Variants in SIPA1L3 observed in about 807,000 individuals in gnomAD.
SIPA1L3 encodes signal induced proliferation associated 1 like 3, also known as signal-induced proliferation-associated 1-like protein 3.
Under a neutral mutation model 150.1 loss-of-function variants are expected in SIPA1L3, and 59 were observed. That is an observed-to-expected ratio of 0.39 (90% CI 0.32 to 0.49). The LOEUF (loss-of-function observed/expected upper bound fraction) is 0.49. Ranked by LOEUF, SIPA1L3 falls within the 20% of genes least tolerant of loss-of-function variation. The probability of loss-of-function intolerance (pLI) is 0.86; values close to 1 mark genes in which losing one functional copy is unlikely to be tolerated. For missense variants in SIPA1L3, 2,211 were observed against 2,489.5 expected, an observed-to-expected ratio of 0.89 and a Z score of 2.38; for synonymous variants, 1,070 against 1,077.6, an observed-to-expected ratio of 0.99 and a Z score of 0.14.
chr19:38,009,192 G>C (rs1968041285), intron 1 of SIPA1L3, among the ~76,000 whole-genome samples: 1 of 151,980 alleles, frequency 6.6e-6, no homozygotes, highest in East Asian at 1.9e-4. Flanking sequence ...CTGCCACCAT[G>C]CCCGGCTAAT....
chr19:38,151,689 A>G (rs1009577596), intron 12 of SIPA1L3, among the ~76,000 whole-genome samples: 5 of 152,044 alleles, frequency 3.3e-5, no homozygotes, highest in Non-Finnish European at 7.4e-5. Flanking sequence ...GGGGCCGGGC[A>G]TGGTGGCTCA....
intron 19 of SIPA1L3, chr19:38,200,139 C>G (rs1276042555): frequency 6.6e-6 from 1 of 152,138 alleles, no homozygotes; most frequent in Non-Finnish European, 1.5e-5. Flanking sequence ...GTGGCGTGAT[C>G]TTGGCTCACT....
intron 16 of SIPA1L3, among the ~76,000 whole-genome samples, chr19:38,183,819 C>G (rs1972616705): frequency 1.3e-5 from 2 of 151,848 alleles, no homozygotes; most frequent in South Asian, 4.1e-4. Flanking sequence ...GGTGCGGAGG[C>G]GGGGCCAGGG....
At chr19:38,079,707 C>A (rs952918837) in intron 2 of SIPA1L3, among the ~76,000 whole-genome samples, 1 of 152,082 alleles carries the variant, frequency 6.6e-6, no homozygotes, top group Non-Finnish European at 1.5e-5. Context: ...AGGCACATGC[C>A]ACCATGCCTG....
intron 2 of SIPA1L3, among the ~76,000 whole-genome samples, chr19:38,057,061 AG>A (rs769555102): frequency 3.3e-5 from 5 of 152,116 alleles, no homozygotes; most frequent in Non-Finnish European, 5.9e-5. Context: ...ACTTGAGGTC[AG>A]GGGTTCGAGA....
chr19:38,186,425 G>A (rs1051599323), intron 16 of SIPA1L3, among the ~76,000 whole-genome samples: 5 of 151,952 alleles, frequency 3.3e-5, no homozygotes, highest in African/African-American at 9.7e-5. Context: ...CACTTCTTCT[G>A]CCTCAGCCTA....
intron 4 of SIPA1L3, 116 bp downstream of exon 4, chr19:38,088,967 C>A: frequency 2.7e-6 from 3 of 1,110,336 alleles, no homozygotes; most frequent in East Asian, 2.6e-5. Context: ...CCAACAACCC[C>A]GGGAGAGCAA....
chr19:37,972,443 C>T (rs528481555), intron 1 of SIPA1L3, among the ~76,000 whole-genome samples: 2 of 152,202 alleles, frequency 1.3e-5, no homozygotes, highest in South Asian at 4.1e-4. Context: ...TGGCTCATGC[C>T]TGTAATCCCT....
chr19:37,951,695 G>A (rs560909193), intron 1 of SIPA1L3, among the ~76,000 whole-genome samples: 2 of 151,882 alleles, frequency 1.3e-5, no homozygotes, highest in East Asian at 3.9e-4. Context: ...TCAGGAAATA[G>A]AGACTATCCT....
rs747736855 is a variant in SIPA1L3 at position 38,182,611 on chromosome 19, C to T, written c.4301C>T (p.Pro1434Leu). 1.1e-5 allele frequency: 18 copies of T among 1,614,126 alleles called. No homozygotes were observed. Among genetic ancestry groups the T allele is most frequent in the South Asian group, 3.3e-5 (3 of 91,078 alleles). The change falls in exon 16 of 22, where the codon CCC becomes CTC. Residue 1434 changes from proline (P) to leucine (L), a missense_variant. Physicochemically the swap from Pro to Leu is moderately conservative, Grantham distance 98. Transcript: ENST00000222345. ...PRPSQLAQPSPFQLSASVPKS... is the reference protein window; with the variant it reads ...PRPSQLAQPSLFQLSASVPKS... ...CCCTCCCAGCTGGCCCAGCCCAGCC[C>T]CTTTCAGCTCTCCGCCTCCGTCCCC...
intron 2 of SIPA1L3, among the ~76,000 whole-genome samples, chr19:38,074,386 G>A (rs1302474942): frequency 1.3e-5 from 2 of 152,340 alleles, no homozygotes; most frequent in Admixed American, 6.5e-5. Context: ...AGTCAGGGTC[G>A]CATCTGGGCC....
At chr19:38,104,009 A>T (rs1970566897) in intron 6 of SIPA1L3, among the ~76,000 whole-genome samples, 1 of 152,004 alleles carries the variant, frequency 6.6e-6, no homozygotes, top group East Asian at 1.9e-4. Context: ...GGTAATGTTC[A>T]CAGGTGTCAC....
chr19:38,118,669 G>T (rs1003614397), intron 8 of SIPA1L3, among the ~76,000 whole-genome samples: 1 of 151,400 alleles, frequency 6.6e-6, no homozygotes, highest in Non-Finnish European at 1.5e-5. Flanking sequence ...AAGTAGCTGG[G>T]ACTACAGGCA....
At chr19:38,003,483 G>A (rs1969507746) in intron 1 of SIPA1L3, among the ~76,000 whole-genome samples, 1 of 152,328 alleles carries the variant, frequency 6.6e-6, no homozygotes, top group Non-Finnish European at 1.5e-5. Flanking sequence ...TTCCGGCTGT[G>A]GGCAGGGATC....
At chr19:38,122,304 C>A (rs1200919425) in intron 9 of SIPA1L3, among the ~76,000 whole-genome samples, 1 of 152,186 alleles carries the variant, frequency 6.6e-6, no homozygotes, top group African/African-American at 2.4e-5. Context: ...AAGTCCTCTA[C>A]TCAAATAAGG....
Position 37,941,087 on chromosome 19 carries a change from TACACACAC to T in SIPA1L3, c.-379+33758_-379+33765del, listed in dbSNP as rs59368800. 2.9e-4 allele frequency among the ~76,000 whole-genome samples: 37 copies of T among 128,638 alleles called. No individual in the cohort carries two copies. The East Asian group carries it at 4.6e-3, about 16-fold the overall frequency. The allele number at this position is 128,638 out of a possible 152,430, so 84.4% of individuals were successfully genotyped here. On this transcript the variant is annotated intron_variant, in intron 1 of 21. Transcript: ENST00000222345. ...TTTGAGATGTACACACACACACACATACACACACACACACACACACACACACACACACA... is the reference window on the plus strand; with the variant it reads ...TTTGAGATGTACACACACACACACATACACACACACACACACACACACACA...
At chr19:38,003,844 C>T (rs1015228900) in intron 1 of SIPA1L3, among the ~76,000 whole-genome samples, 3 of 152,178 alleles carry the variant, frequency 2.0e-5, no homozygotes, top group African/African-American at 7.2e-5. Context: ...GGGCTTCCTC[C>T]GCCACCCAGC....
intron 19 of SIPA1L3, among the ~76,000 whole-genome samples, chr19:38,201,563 TC>T (rs1303554745): frequency 6.6e-6 from 1 of 152,222 alleles, no homozygotes; most frequent in African/African-American, 2.4e-5. Context: ...AGGTTCGGAA[TC>T]CGGTCGGTTG....
intron 13 of SIPA1L3, 100 bp from the exon 14 acceptor site, chr19:38,162,153 C>A: frequency 2.4e-6 from 2 of 834,968 alleles, no homozygotes; most frequent in South Asian, 2.9e-5. Flanking sequence ...TTGATGGGGT[C>A]ATGCCGTGGG....
Sources: allele counts gnomAD v4.1 joint callset (sites outside exome capture counted in the v4.1 genomes callset), GRCh38; gene constraint gnomAD v4.1.1; transcripts MANE v1.5; gene names NCBI Gene and HGNC (gene_info 2026-07-23, HGNC 2026-07-21).